AK2: variants seen among roughly 807,000 people sequenced by gnomAD.
AK2 encodes adenylate kinase 2.
In AK2, 15 loss-of-function variants were observed where a neutral mutation model predicts 24.6. That is an observed-to-expected ratio of 0.61 (90% CI 0.41 to 0.94). AK2 has a LOEUF of 0.94. AK2 is among the 40% of genes least tolerant of loss of function. AK2 has a pLI of 0.00. For synonymous variants in AK2, 102 were observed against 114.0 expected (o/e 0.90, Z 0.67); for missense variants, 257 against 304.1 (o/e 0.85, Z 1.15).
chr1:33,036,693 G>C, intron 1 of AK2, 43 bp downstream of exon 1: 1 of 1,526,730 alleles, frequency 6.5e-7, no homozygotes, highest in Non-Finnish European at 8.9e-7. Context: ...CTTGACCTTG[G>C]AGTTCAGCAG....
At chr1:33,031,484 G>A (rs1189000542) in intron 1 of AK2, 1 of 424,936 alleles carries the variant, frequency 2.4e-6, no homozygotes, top group African/African-American at 2.0e-5. Flanking sequence ...TGAGCAATGG[G>A]TGACTATGTT....
At chr1:33,033,878 G>T (rs1028357909) in intron 1 of AK2, among the ~76,000 whole-genome samples, 1 of 152,032 alleles carries the variant, frequency 6.6e-6, no homozygotes, top group Non-Finnish European at 1.5e-5. Context: ...TCTGATTTAA[G>T]ATCTTTTTTT....
In AK2 at chr1:33,008,546, C is replaced by A. The variant is rs1217555076; in HGVS notation, c.*4635G>T. 2.2e-6 allele frequency: 1 copy of A among 454,048 alleles called. No individual in the cohort carries two copies. The highest frequency in any genetic ancestry group is 2.3e-5 in the Admixed American group (1 of 42,566). 28.1% of individuals were successfully genotyped at this position (454,048 alleles called of 1,614,324 possible). On this transcript the variant is annotated 3_prime_UTR_variant, in exon 6 of 6. Transcript: ENST00000672715. ...TATTCAGAGCAGCCCTTCCTGTGTG[C>A]AGAGCTACGCAAGTAATTAAATCAC...
chr1:33,029,844 C>A (rs951240250), intron 1 of AK2, among the ~76,000 whole-genome samples: 2 of 152,210 alleles, frequency 1.3e-5, no homozygotes, highest in African/African-American at 2.4e-5. Context: ...GTGCCTGGCA[C>A]AATTACCTTT....
rs1456035716 is a variant in AK2, at chr1:33,012,102, G to C, written c.*1079C>G. 2.0e-6 allele frequency: 3 copies of C among 1,535,300 alleles called. No homozygotes were observed. Among genetic ancestry groups the C allele is most frequent in the Admixed American group, 2.0e-5 (1 of 50,970 alleles). ...GGTCTCTTTTTGGGGAAGTAGATTT[G>C]ACTGCTCTCAGATGATCAGCCTGGA... On this transcript the variant is annotated 3_prime_UTR_variant, in exon 6 of 6. Coordinates refer to ENST00000672715, the MANE Select transcript of AK2 (RefSeq NM_001625.4).
At chr1:33,025,277 T>C (rs928053166) in intron 1 of AK2, among the ~76,000 whole-genome samples, 1 of 151,476 alleles carries the variant, frequency 6.6e-6, no homozygotes, top group Non-Finnish European at 1.5e-5. Context: ...ATGTATATAA[T>C]GCACTTGGTA....
At chr1:33,020,775 G>A (rs1639491028) in intron 4 of AK2, among the ~76,000 whole-genome samples, 1 of 151,482 alleles carries the variant, frequency 6.6e-6, no homozygotes, top group African/African-American at 2.4e-5. Context: ...AACCGGGGAG[G>A]CAGAGGTTGC....
In AK2 at chr1:33,036,618, T is replaced by A. The variant is rs1311739915; in HGVS notation, c.93+118A>T. 6.4e-6 allele frequency: 6 copies of A among 933,892 alleles called. No individual in the cohort carries two copies. The South Asian group carries it at 8.5e-5, about 13-fold the overall frequency. The allele number at this position is 933,892 out of a possible 1,614,324, so 57.9% of individuals were successfully genotyped here. A position where few individuals can be genotyped will look rare whatever the true frequency, so the allele number is the denominator to read the frequency against. ...ACCAGAACCGAGACCCCGGCCAGCG[T>A]TCCCCGCAGGCCTTAGTCCCCGGCC... On this transcript the variant is annotated intron_variant, in intron 1 of 5. Transcript: ENST00000672715.
intron 4 of AK2, among the ~76,000 whole-genome samples, chr1:33,019,148 C>T (rs1639377992): frequency 6.6e-6 from 1 of 152,156 alleles, no homozygotes; most frequent in African/African-American, 2.4e-5. Context: ...TATCTCTATC[C>T]TAGGCAGCCT....
intron 1 of AK2, 130 bp from the exon 2 acceptor site, chr1:33,024,697 G>C: frequency 9.0e-7 from 1 of 1,108,062 alleles, no homozygotes; most frequent in Non-Finnish European, 1.4e-6. Context: ...TTCCTTACCT[G>C]TAATGGGGAT....
chr1:33,018,848 C>T (rs556644694), intron 4 of AK2, among the ~76,000 whole-genome samples: 5 of 152,240 alleles, frequency 3.3e-5, no homozygotes, highest in Non-Finnish European at 7.4e-5. Context: ...TTACCTTGTA[C>T]ACCAGGACCA....
chr1:33,009,659 G>A lies in AK2; in HGVS notation c.*3522C>T. On this transcript the variant is annotated 3_prime_UTR_variant, in exon 6 of 6. Transcript: ENST00000672715. ...GAGCACAGTGAATAACTAACTGGCTGGGATTTGTCCTAGGTCCCCTGAACT... is the reference window on the plus strand; with the variant it reads ...GAGCACAGTGAATAACTAACTGGCTAGGATTTGTCCTAGGTCCCCTGAACT... 2.2e-6 allele frequency: 1 copy of A among 454,094 alleles called. No homozygotes were observed. The highest frequency in any genetic ancestry group is 2.3e-5 in the Admixed American group (1 of 42,582). The allele number at this position is 454,094 out of a possible 1,614,324, so 28.1% of individuals were successfully genotyped here.
In AK2 at chr1:33,012,513, T is replaced by C. The variant is rs1221130698; in HGVS notation, c.*668A>G. 1 of 1,347,094 alleles carries C rather than the reference T, an allele frequency of 7.4e-7. No homozygotes were observed. The highest frequency in any genetic ancestry group is 4.4e-5 in the East Asian group (1 of 22,598). 83.4% of individuals were successfully genotyped at this position (1,347,094 alleles called of 1,614,324 possible). On this transcript the variant is annotated 3_prime_UTR_variant, in exon 6 of 6. Transcript: ENST00000672715. ...AATCAGCTGCTGGAAATGGAAGAAA[T>C]ACTATGAGGTTCTGGAATTGCGGTC...
At chr1:33,030,963 T>C (rs1640200490) in intron 1 of AK2, 1 of 152,264 alleles carries the variant, frequency 6.6e-6, no homozygotes, top group South Asian at 2.1e-4. Flanking sequence ...TCTGTTCACA[T>C]TGTAAAATAA....
intron 4 of AK2, chr1:33,020,015 G>C: frequency 2.0e-6 from 3 of 1,516,000 alleles, no homozygotes; most frequent in Non-Finnish European, 2.6e-6. Context: ...GGGTCCATTT[G>C]CAGTTGAAAG....
At chr1:33,020,239 T>C (rs996867761) in intron 4 of AK2, 78 of 1,074,242 alleles carry the variant, frequency 7.3e-5, no homozygotes, top group Non-Finnish European at 6.7e-5. Flanking sequence ...AAAGTGGCTG[T>C]ACTATGAGCA....
At chr1:33,024,407 G>A in intron 2 of AK2, 35 bp downstream of exon 2, 1 of 1,612,434 alleles carries the variant, frequency 6.2e-7, no homozygotes. Context: ...TAGATTCTGA[G>A]GAATATCAAC....
rs1570178960 is a variant in AK2, at chr1:33,011,072, G to A, written c.*2109C>T. 21 of 985,382 alleles carry A rather than the reference G, an allele frequency of 2.1e-5. No homozygotes were observed. The South Asian group carries it at 8.0e-4, about 37-fold the overall frequency. 61.0% of individuals were successfully genotyped at this position (985,382 alleles called of 1,614,324 possible). A position where few individuals can be genotyped will look rare whatever the true frequency, so the allele number is the denominator to read the frequency against. ...CCCTATGAATCTTCCAGTTCTTATG[G>A]GCAGCCCAAATATTACTTGTACATG... is the stretch of plus-strand genomic sequence containing the variant. On this transcript the variant is annotated 3_prime_UTR_variant, in exon 6 of 6. Coordinates refer to ENST00000672715, the MANE Select transcript of AK2 (RefSeq NM_001625.4).
At position 33,011,801 on chromosome 1, in the gene AK2, C is replaced by T; in HGVS notation, c.*1380G>A. The T allele has an allele frequency of 1.3e-6, 2 of 1,482,664 alleles. No homozygotes were observed. The highest frequency in any genetic ancestry group is 1.8e-6 in the Non-Finnish European group (2 of 1,114,574). The allele number at this position is 1,482,664 out of a possible 1,614,324, so 91.8% of individuals were successfully genotyped here. On this transcript the variant is annotated 3_prime_UTR_variant, in exon 6 of 6. Coordinates refer to ENST00000672715, the MANE Select transcript of AK2 (RefSeq NM_001625.4). ...GGGAAGCTAAGGTTATGAATAAAAG[C>T]TGGTAACTGTCACAGGTGGTCTTAT...
Sources: gnomAD v4.1 joint callset for allele counts (sites outside exome capture counted in the v4.1 genomes callset) on GRCh38, gnomAD v4.1.1 for gene constraint, MANE v1.5 for transcripts, NCBI Gene and HGNC (gene_info 2026-07-23, HGNC 2026-07-21) for gene names.